Variants in ZP1 observed in about 807,000 individuals in gnomAD.
The protein encoded by ZP1 is zona pellucida glycoprotein 1, also known as zona pellucida sperm-binding protein 1.
In ZP1, 58 loss-of-function variants were observed where a neutral mutation model predicts 67.4. The ratio of observed to expected loss-of-function variants is 0.86; its 90% CI spans 0.70 to 1.07. The LOEUF is 1.07. ZP1 is among the 50% of genes least tolerant of loss of function. ZP1 has a pLI of 0.00. For synonymous variants in ZP1, 333 were observed against 332.7 expected, an observed-to-expected ratio of 1.00 and a Z score of -0.01; for missense variants, 759 against 807.3, an observed-to-expected ratio of 0.94 and a Z score of 0.72.
In ZP1 at chr11:60,873,575, C is replaced by T. The variant is rs898926498; in HGVS notation, c.1430+11C>T. ...CATCCTGTCAGACGGGTGAGTGCCC[C>T]CACACTCCCCCCACCTGCTCTGCCT... On this transcript the variant is annotated intron_variant, in intron 8 of 11. Coordinates refer to ENST00000278853, the MANE Select transcript of ZP1 (RefSeq NM_207341.4). The T allele has an allele frequency of 2.5e-6, 4 of 1,613,304 alleles. No homozygotes were observed. The highest frequency in any genetic ancestry group is 3.3e-5 in the Admixed American group (2 of 60,006).
chr11:60,873,273 G>A lies in ZP1; in HGVS notation c.1224G>A (p.Glu408=), dbSNP rs756462222. The A allele has an allele frequency of 2.3e-5, 36 of 1,584,346 alleles. No individual in the cohort carries two copies. The highest frequency in any genetic ancestry group is 2.9e-5 in the Non-Finnish European group (34 of 1,162,448). ...CCCAGCCCGGCCCCCTGCGGCTTGA[G>A]CTGCGGATTGCCAAAGGTATGCTAT... ...PMTQPGPLRL[E]LRIAKDETFS... Residue 408 remains glutamate, a synonymous_variant, in exon 7 of 12, where the codon GAG becomes GAA. Coordinates refer to ENST00000278853, the MANE Select transcript of ZP1 (RefSeq NM_207341.4).
intron 9 of ZP1, 63 bp downstream of exon 9, chr11:60,873,838 A>G: frequency 1.3e-6 from 2 of 1,598,516 alleles, no homozygotes. Context: ...CTGGTCGCCA[A>G]ATCCCTCTGG....
Position 60,869,255 on chromosome 11 carries a change from G to C in ZP1, c.307G>C (p.Val103Leu), listed in dbSNP as rs758199295. 9 of 1,614,232 alleles carry C rather than the reference G, an allele frequency of 5.6e-6. No individual in the cohort carries two copies. The East Asian group carries it at 1.3e-4, about 24-fold the overall frequency. The change falls in exon 2 of 12, where the codon GTG (valine) becomes CTG (leucine). Residue 103 changes from valine to leucine, a missense_variant. Physicochemically the swap from Val to Leu is conservative, Grantham distance 32. Transcript: ENST00000278853. ...VFSADYRGCH[V>L]LEKDGRFHLR... The stretch of plus-strand genomic sequence containing the variant: ...CTCGGCCGATTACAGAGGCTGCCAC[G>C]TGCTGGAGAAGGTAGGGGTTGTTCA...
chr11:60,869,909 G>A lies in ZP1; in HGVS notation c.682+9G>A, dbSNP rs754239301. The A allele has an allele frequency of 1.3e-6, 2 of 1,536,342 alleles. No homozygotes were observed. Among genetic ancestry groups the A allele is most frequent in the East Asian group, 4.5e-5 (2 of 44,088 alleles). ...CAAACGAGATTACATAGGTACGCAG[G>A]ACATCTGAGTGTACTTACCCTCTGT... On this transcript the variant is annotated intron_variant, in intron 3 of 11. Coordinates refer to ENST00000278853, the MANE Select transcript of ZP1 (RefSeq NM_207341.4).
rs753127946 is a variant in ZP1 at position 60,873,266 on chromosome 11, G to A, written c.1217G>A (p.Arg406Gln). The A allele has an allele frequency of 2.1e-5, 33 of 1,587,524 alleles. No homozygotes were observed. The highest frequency in any genetic ancestry group is 1.5e-4 in the South Asian group (13 of 86,706). The change falls in exon 7 of 12, where the codon CGG becomes CAG. Residue 406 changes from arginine to glutamine, a missense_variant. Arg to Gln is a conservative substitution (Grantham distance 43). Coordinates refer to ENST00000278853, the MANE Select transcript of ZP1 (RefSeq NM_207341.4). ...PAPMTQPGPLRLELRIAKDET... is the reference protein window; with the variant it reads ...PAPMTQPGPLQLELRIAKDET... ...CCTATGACCCAGCCCGGCCCCCTGC[G>A]GCTTGAGCTGCGGATTGCCAAAGGT... is the stretch of plus-strand genomic sequence containing the variant.
At chr11:60,871,336 C>A in intron 6 of ZP1, 22 bp downstream of exon 6, 2 of 1,611,712 alleles carry the variant, frequency 1.2e-6, no homozygotes, top group Non-Finnish European at 1.7e-6. Context: ...CCTCCTCCTA[C>A]AGGCGTGGCT....
At chr11:60,870,728 G>A in intron 4 of ZP1, 2 of 666,094 alleles carry the variant, frequency 3.0e-6, no homozygotes, top group Non-Finnish European at 2.5e-6. Context: ...GCCCTGGTTT[G>A]GATGACAGAT....
At position 60,871,082 on chromosome 11, in the gene ZP1, C is replaced by A; in HGVS notation, c.952C>A (p.Gln318Lys). The A allele has an allele frequency of 3.1e-6, 5 of 1,614,254 alleles. No homozygotes were observed. Among genetic ancestry groups the A allele is most frequent in the Non-Finnish European group, 4.2e-6 (5 of 1,180,044 alleles). The change falls in exon 5 of 12, where the codon CAG becomes AAG. Residue 318 changes from glutamine (Q) to lysine (K), a missense_variant. Gln to Lys is a moderately conservative substitution (Grantham distance 53). Coordinates refer to ENST00000278853, the MANE Select transcript of ZP1 (RefSeq NM_207341.4). The part of the protein sequence containing the change: ...AYAPTSCSPT[Q>K]HTEAFVVFYF... ...TGCCCCCACCAGCTGCTCCCCAACA[C>A]AGCACACGGAAGCTTTCGTGGTCTT...
intron 4 of ZP1, 24 bp from the exon 5 acceptor site, chr11:60,870,933 G>C (rs2134829460): frequency 6.2e-7 from 1 of 1,601,014 alleles, no homozygotes; most frequent in East Asian, 2.2e-5. Context: ...CAAACCCCAA[G>C]GCCCTCATCT....
At chr11:60,875,275 C>G in intron 11 of ZP1, 27 bp downstream of exon 11, 1 of 1,596,732 alleles carries the variant, frequency 6.3e-7, no homozygotes. Flanking sequence ...GTGGGCCCCT[C>G]AGGCCTTACC....
At position 60,869,158 on chromosome 11, in the gene ZP1, C is replaced by G; in HGVS notation, c.210C>G (p.Asn70Lys). 1.2e-6 allele frequency: 2 copies of G among 1,614,164 alleles called. No individual in the cohort carries two copies. The highest frequency in any genetic ancestry group is 2.7e-5 in the African/African-American group (2 of 75,028). Reference protein sequence around the residue: ...LRFKVVDEFGNRFDVNNCSIC... With the variant: ...LRFKVVDEFGKRFDVNNCSIC... ...CCCCCACTGCAGATGAATTTGGGAACCGATTTGATGTCAACAACTGCTCCA... is the reference window on the plus strand; with the variant it reads ...CCCCCACTGCAGATGAATTTGGGAAGCGATTTGATGTCAACAACTGCTCCA... The change falls in exon 2 of 12, where the codon AAC (asparagine) becomes AAG (lysine). Residue 70 changes from asparagine to lysine, a missense_variant. By Grantham distance (94) the Asn-to-Lys change is moderately conservative (BLOSUM62 0). Transcript: ENST00000278853.
chr11:60,875,555 G>T lies in ZP1; in HGVS notation c.1816G>T (p.Val606Phe). 1 of 1,614,138 alleles carries T rather than the reference G, an allele frequency of 6.2e-7. No homozygotes were observed. Among genetic ancestry groups the T allele is most frequent in the Non-Finnish European group, 8.5e-7 (1 of 1,179,998 alleles). ...NSSLRPLLWA[V>F]LLLPAVALVL... ...CAGCCTGAGACCTCTCCTTTGGGCG[G>T]TCCTTTTGCTGCCAGCTGTTGCCCT... Residue 606 changes from valine (V) to phenylalanine (F), a missense_variant, in exon 12 of 12, where the codon GTC becomes TTC. Physicochemically the swap from Val to Phe is conservative, Grantham distance 50. Coordinates refer to ENST00000278853, the MANE Select transcript of ZP1 (RefSeq NM_207341.4).
intron 3 of ZP1, 108 bp downstream of exon 3, chr11:60,870,008 T>A (rs1269572650): frequency 6.7e-6 from 9 of 1,350,386 alleles, no homozygotes; most frequent in Non-Finnish European, 8.8e-6. Flanking sequence ...TTTTGTTTTT[T>A]TCTTTTTTTA....
chr11:60,867,769 CAG>C lies in ZP1; in HGVS notation c.196+15_196+16del. 2.5e-6 allele frequency: 4 copies of C among 1,610,620 alleles called. No homozygotes were observed. The highest frequency in any genetic ancestry group is 3.4e-6 in the Non-Finnish European group (4 of 1,178,582). On this transcript the variant is annotated intron_variant, in intron 1 of 11. Transcript: ENST00000278853. ...CTTCAAGGTGGTGGGTGAGTGCTGG[CAG>C]AGTCCTGGCCCCTGCCTCCCTGGCC...
chr11:60,871,340 C>A lies in ZP1; in HGVS notation c.1112+26C>A, dbSNP rs11230511. 845 of 1,610,440 alleles carry A rather than the reference C, an allele frequency of 5.2e-4. 5 individuals are homozygous for A. The African/African-American group carries it at 9.6e-3, about 18-fold the overall frequency. On this transcript the variant is annotated intron_variant, in intron 6 of 11. Coordinates refer to ENST00000278853, the MANE Select transcript of ZP1 (RefSeq NM_207341.4). ...GTAAGGGCAGCCCTCCTCCTACAGGCGTGGCTGTGTGCTAGGGTGTCAGGG... is the reference window on the plus strand; with the variant it reads ...GTAAGGGCAGCCCTCCTCCTACAGGAGTGGCTGTGTGCTAGGGTGTCAGGG...
At chr11:60,874,655 G>A (rs555189319) in intron 9 of ZP1, among the ~76,000 whole-genome samples, 17 of 152,358 alleles carry the variant, frequency 1.1e-4, no homozygotes, top group East Asian at 1.9e-4. Flanking sequence ...GGGGCATTAC[G>A]AAGTGCGGTG....
At chr11:60,873,865 A>C in intron 9 of ZP1, 90 bp downstream of exon 9, 1 of 1,544,620 alleles carries the variant, frequency 6.5e-7, no homozygotes, top group Non-Finnish European at 8.8e-7. Context: ...GTGAACTTAT[A>C]TGGACAAAGT....
Position 60,875,530 on chromosome 11 carries a change from C to A in ZP1, c.1791C>A (p.Ser597=). Reference sequence around the variant, plus strand: ...CTCTGACAGACTCCAATGGGAACTCCAGCCTGAGACCTCTCCTTTGGGCGG... The same window carrying A: ...CTCTGACAGACTCCAATGGGAACTCAAGCCTGAGACCTCTCCTTTGGGCGG... ...TLGPTDSNGN[S]SLRPLLWAVL... The change falls in exon 12 of 12, where the codon TCC becomes TCA. Residue 597 remains serine (S), a synonymous_variant. Transcript: ENST00000278853. The A allele has an allele frequency of 1.9e-6, 3 of 1,614,036 alleles. No individual in the cohort carries two copies. Among genetic ancestry groups the A allele is most frequent in the Non-Finnish European group, 1.7e-6 (2 of 1,179,924 alleles).
At chr11:60,871,411 C>A in intron 6 of ZP1, 97 bp downstream of exon 6, 1 of 1,334,944 alleles carries the variant, frequency 7.5e-7, no homozygotes, top group Non-Finnish European at 1.0e-6. Flanking sequence ...TCAGCTCAAA[C>A]CCAGGCTCTG....
Sources: gnomAD v4.1 joint callset for allele counts (sites outside exome capture counted in the v4.1 genomes callset) on GRCh38, gnomAD v4.1.1 for gene constraint, MANE v1.5 for transcripts, NCBI Gene and HGNC (gene_info 2026-07-23, HGNC 2026-07-21) for gene names.